The following WDR20 variants were observed in gnomAD, a reference collection of about 807,000 sequenced individuals.
WDR20 encodes the protein WD repeat-containing protein 20.
Under a neutral mutation model 38.7 loss-of-function variants are expected in WDR20, and 3 were observed. The observed-to-expected ratio is 0.08, with a 90% CI of 0.04 to 0.20. The LOEUF is 0.20. Ranked by LOEUF, WDR20 falls within the 10% of genes least tolerant of loss-of-function variation. WDR20 has a pLI of 1.00. For missense variants in WDR20, 559 were observed against 727.7 expected, an observed-to-expected ratio of 0.77 and a Z score of 2.67; for synonymous variants, 298 against 285.6, an observed-to-expected ratio of 1.04 and a Z score of -0.44.
chr14:102,150,515 C>G (rs1465074703), intron 1 of WDR20, among the ~76,000 whole-genome samples: 1 of 152,116 alleles, frequency 6.6e-6, no homozygotes, highest in Non-Finnish European at 1.5e-5. Context: ...ATTTTAACAT[C>G]TTAGTTACCG....
intron 1 of WDR20, among the ~76,000 whole-genome samples, chr14:102,189,556 C>A (rs1596529886): frequency 2.0e-5 from 3 of 152,138 alleles, no homozygotes. Context: ...AGACCAAATA[C>A]CCGATTCTTA....
At chr14:102,167,317 C>T (rs971199598) in intron 1 of WDR20, 16 of 152,234 alleles carry the variant, frequency 1.1e-4, no homozygotes, top group Non-Finnish European at 4.4e-5. Flanking sequence ...TGGGCTTAAG[C>T]TATCCTCCTG....
chr14:102,166,670 C>T (rs1165356223), intron 1 of WDR20, among the ~76,000 whole-genome samples: 3 of 152,254 alleles, frequency 2.0e-5, no homozygotes, highest in African/African-American at 7.2e-5. Flanking sequence ...TTCATTATCT[C>T]TATTTGTTTT....
intron 1 of WDR20, among the ~76,000 whole-genome samples, chr14:102,142,022 G>A (rs1339884200): frequency 6.6e-6 from 1 of 152,122 alleles, no homozygotes; most frequent in Non-Finnish European, 1.5e-5. Context: ...TTGCCTGGAA[G>A]TATCATTACA....
chr14:102,175,197 T>G (rs1299292290), intron 1 of WDR20, among the ~76,000 whole-genome samples: 1 of 152,232 alleles, frequency 6.6e-6, no homozygotes, highest in East Asian at 1.9e-4. Context: ...TAGATTTAAG[T>G]CTTTGATTCA....
chr14:102,202,750 T>G (rs1404390402), intron 2 of WDR20, among the ~76,000 whole-genome samples: 2 of 151,900 alleles, frequency 1.3e-5, no homozygotes, highest in Non-Finnish European at 2.9e-5. Context: ...AGATATTTAT[T>G]TATTTATTTC....
Position 102,210,485 on chromosome 14 carries a change from T to C in WDR20, c.*605T>C. 1 of 985,340 alleles carries C rather than the reference T, an allele frequency of 1.0e-6. No homozygotes were observed. The highest frequency in any genetic ancestry group is 1.2e-6 in the Non-Finnish European group (1 of 829,840). 61.0% of individuals were successfully genotyped at this position (985,340 alleles called of 1,614,324 possible). ...TTTTTAAAACCCATTTTAGTCATTT[T>C]ATGACAATTAAAGTTGTTTAATAAA... On this transcript the variant is annotated 3_prime_UTR_variant, in exon 3 of 3. Coordinates refer to ENST00000342702, the MANE Select transcript of WDR20 (RefSeq NM_144574.4).
At chr14:102,198,094 C>T (rs1355339409) in intron 2 of WDR20, 2 of 309,302 alleles carry the variant, frequency 6.5e-6, no homozygotes, top group East Asian at 1.2e-4. Context: ...TCACAGAGGT[C>T]TACTTTATTT....
At chr14:102,153,112 G>T (rs1305063799) in intron 1 of WDR20, among the ~76,000 whole-genome samples, 1 of 152,094 alleles carries the variant, frequency 6.6e-6, no homozygotes, top group Non-Finnish European at 1.5e-5. Context: ...GTTCTCTCCA[G>T]AACTGGCTGT....
downstream of WDR20, among the ~76,000 whole-genome samples, chr14:102,219,282 C>T (rs2063606316): frequency 1.3e-5 from 2 of 152,246 alleles, no homozygotes; most frequent in South Asian, 4.1e-4. Flanking sequence ...GTGTTCACCA[C>T]GGCAAAGTGA....
intron 2 of WDR20, chr14:102,197,648 A>G: frequency 3.4e-6 from 2 of 587,310 alleles, no homozygotes; most frequent in Non-Finnish European, 6.2e-6. Context: ...TGTCTTATAA[A>G]AGCCTTTTCA....
chr14:102,169,303 C>T (rs2060374795), intron 1 of WDR20, among the ~76,000 whole-genome samples: 1 of 152,196 alleles, frequency 6.6e-6, no homozygotes, highest in Non-Finnish European at 1.5e-5. Context: ...CCCAGAAAGG[C>T]ACTGCCATCA....
At chr14:102,182,182 G>C (rs1423090078) in intron 1 of WDR20, among the ~76,000 whole-genome samples, 1 of 152,100 alleles carries the variant, frequency 6.6e-6, no homozygotes, top group Non-Finnish European at 1.5e-5. Flanking sequence ...ATATATATTA[G>C]AGAAAAAATA....
At chr14:102,160,731 A>C (rs1164757462) in intron 1 of WDR20, among the ~76,000 whole-genome samples, 1 of 151,822 alleles carries the variant, frequency 6.6e-6, no homozygotes, top group Admixed American at 6.6e-5. Context: ...TCACAAGGTC[A>C]GGAGATCAAG....
intron 1 of WDR20, among the ~76,000 whole-genome samples, chr14:102,141,679 A>G (rs992397460): frequency 1.1e-4 from 16 of 152,280 alleles, no homozygotes; most frequent in African/African-American, 3.6e-4. Context: ...TATAATAATC[A>G]TAATGAACTT....
chr14:102,195,184 G>A (rs2059200462), intron 2 of WDR20, 64 bp downstream of exon 2: 15 of 1,557,106 alleles, frequency 9.6e-6, no homozygotes, highest in Non-Finnish European at 1.3e-5. Flanking sequence ...CTTACCGAGG[G>A]TAGTCGGCCT....
At chr14:102,206,823 G>A (rs188543213) in intron 2 of WDR20, among the ~76,000 whole-genome samples, 55 of 152,248 alleles carry the variant, frequency 3.6e-4, no homozygotes, top group African/African-American at 1.3e-3. Flanking sequence ...CTGTGATGGG[G>A]GAGTGGAGGC....
intron 1 of WDR20, among the ~76,000 whole-genome samples, chr14:102,176,913 A>AT (rs934110112): frequency 4.6e-5 from 7 of 151,790 alleles, no homozygotes; most frequent in Middle Eastern, 3.4e-3. Flanking sequence ...TATTATTATT[A>AT]TTTTTTTTAG....
chr14:102,162,583 C>T (rs962153475), intron 1 of WDR20, among the ~76,000 whole-genome samples: 1 of 149,970 alleles, frequency 6.7e-6, no homozygotes, highest in East Asian at 1.9e-4. Context: ...TTCTCTCTCT[C>T]TCTTTCTTTC....
Sources: allele counts gnomAD v4.1 joint callset (sites outside exome capture counted in the v4.1 genomes callset), GRCh38; gene constraint gnomAD v4.1.1; transcripts MANE v1.5; gene names NCBI Gene and HGNC (gene_info 2026-07-23, HGNC 2026-07-21).